The following MYO16 variants were observed in gnomAD, a reference collection of about 807,000 sequenced individuals.
MYO16 encodes the protein myosin XVI.
A neutral mutation model predicts 205.3 loss-of-function variants in MYO16; 94 were observed. The observed-to-expected ratio is 0.46, with a 90% confidence interval of 0.39 to 0.54. The LOEUF (loss-of-function observed/expected upper bound fraction) is 0.54. Among genes scored for constraint, MYO16 ranks in the 20% least tolerant of loss-of-function variants. The pLI, the probability that MYO16 is intolerant of heterozygous loss-of-function variation, is 0.00. For synonymous variants in MYO16, 988 were observed against 954.0 expected, an observed-to-expected ratio of 1.04 and a Z score of -0.66; for missense variants, 2,315 against 2,387.5, an observed-to-expected ratio of 0.97 and a Z score of 0.63.
the MYO16 span, among the ~76,000 whole-genome samples, chr13:108,547,253 C>A: frequency 7.2e-6 from 1 of 138,490 alleles, no homozygotes; most frequent in Non-Finnish European, 1.5e-5. Flanking sequence ...GCCTGGCCAA[C>A]AGAGCAAGAC....
chr13:109,126,142 G>A lies in MYO16; in HGVS notation c.3782+784G>A, dbSNP rs560902870. Among the ~76,000 whole-genome samples the A allele has an allele frequency of 5.8e-4, 88 of 152,134 alleles. 1 individual carries two copies. The highest frequency in any genetic ancestry group is 1.1e-3 in the Non-Finnish European group (74 of 68,010). On this transcript the variant is annotated intron_variant, in intron 30 of 34. Coordinates refer to ENST00000457511, the MANE Select transcript of MYO16 (RefSeq NM_001198950.3). ...ATGACTCTCCTTTCCCATTTCTGCC[G>A]ATGTCAATTTTTTTTTATTAAAGTG...
At chr13:108,746,812 A>C (rs904158279) in intron 4 of MYO16, among the ~76,000 whole-genome samples, 10 of 151,924 alleles carry the variant, frequency 6.6e-5, no homozygotes, top group African/African-American at 2.4e-4. Context: ...ATAAACATAA[A>C]AAACAAACGA....
intron 1 of MYO16, among the ~76,000 whole-genome samples, chr13:108,605,878 G>C (rs9587628): frequency 0.2 from 30,787 of 152,086 alleles, 3,185 homozygotes; most frequent in Middle Eastern, 0.23. Context: ...GAAAAATACT[G>C]GAAGATGTGG....
chr13:108,700,319 C>T (rs1926508), intron 2 of MYO16, among the ~76,000 whole-genome samples: 103,815 of 140,862 alleles, frequency 0.74, 37,626 homozygotes, highest in East Asian at 0.87. Flanking sequence ...GCAACAACAG[C>T]GAAACTCTGT....
intron 33 of MYO16, among the ~76,000 whole-genome samples, chr13:109,177,293 ACTGAATTGACTTTCTC>A (rs1879245989): frequency 6.6e-6 from 1 of 152,030 alleles, no homozygotes; most frequent in Non-Finnish European, 1.5e-5. Flanking sequence ...TGCCATTCTC[ACTGAATTGACTTTCTC>A]AAGGGTGGGG....
intron 9 of MYO16, among the ~76,000 whole-genome samples, chr13:108,842,941 A>G (rs1376379357): frequency 1.3e-5 from 2 of 152,196 alleles, no homozygotes; most frequent in African/African-American, 2.4e-5. Context: ...AAGAAATTCT[A>G]TCATTTGCAG....
chr13:108,637,628 AC>A (rs560343961), intron 1 of MYO16, among the ~76,000 whole-genome samples: 19 of 152,174 alleles, frequency 1.2e-4, no homozygotes, highest in Non-Finnish European at 2.4e-4. Flanking sequence ...TAATCCCAGC[AC>A]TTTGGGAGGC....
the MYO16 span, among the ~76,000 whole-genome samples, chr13:108,558,103 A>T: frequency 2.0e-5 from 3 of 152,232 alleles, no homozygotes; most frequent in Admixed American, 2.0e-4. Flanking sequence ...TAAAATGAAA[A>T]ACAAAATTAA....
chr13:108,767,440 G>A (rs9587680), intron 4 of MYO16, among the ~76,000 whole-genome samples: 10,402 of 152,094 alleles, frequency 0.068, 616 homozygotes, highest in East Asian at 0.24. Context: ...TTTATAAAGG[G>A]CTCTTTTATA....
At chr13:108,841,888 A>T (rs1045580964) in intron 9 of MYO16, among the ~76,000 whole-genome samples, 3 of 152,294 alleles carry the variant, frequency 2.0e-5, no homozygotes, top group African/African-American at 7.2e-5. Context: ...CACATAGACC[A>T]TTGGAACAGA....
intron 29 of MYO16, among the ~76,000 whole-genome samples, chr13:109,121,487 C>T (rs1228330639): frequency 6.6e-6 from 1 of 152,258 alleles, no homozygotes; most frequent in Admixed American, 6.5e-5. Flanking sequence ...CAACATCCTC[C>T]TTTGGCCGGT....
intron 19 of MYO16, among the ~76,000 whole-genome samples, 191 bp from the exon 20 acceptor site, chr13:108,964,570 A>G (rs1374293736): frequency 1.3e-5 from 2 of 152,222 alleles, no homozygotes; most frequent in East Asian, 3.9e-4. Flanking sequence ...ATTGCAATGT[A>G]CATGACTTCT....
At chr13:109,088,453 G>A (rs563428569) in intron 27 of MYO16, among the ~76,000 whole-genome samples, 2 of 152,276 alleles carry the variant, frequency 1.3e-5, no homozygotes, top group South Asian at 4.1e-4. Flanking sequence ...GAACTCGAGA[G>A]TATTGTCATG....
At chr13:108,536,160 T>C in the MYO16 span, among the ~76,000 whole-genome samples, 1 of 152,164 alleles carries the variant, frequency 6.6e-6, no homozygotes, top group African/African-American at 2.4e-5. Context: ...AGAGTATTTA[T>C]TAATTCCCTA....
chr13:108,746,175 G>A (rs1047215248), intron 4 of MYO16, among the ~76,000 whole-genome samples: 3 of 151,876 alleles, frequency 2.0e-5, no homozygotes, highest in Non-Finnish European at 4.4e-5. Flanking sequence ...CCTGGGCTAC[G>A]GAGCGAGACT....
At chr13:108,739,534 G>A (rs183718690) in intron 4 of MYO16, among the ~76,000 whole-genome samples, 1 of 152,280 alleles carries the variant, frequency 6.6e-6, no homozygotes, top group African/African-American at 2.4e-5. Flanking sequence ...TTCCCTTTGT[G>A]AGTAACCCGA....
At chr13:109,167,545 T>A (rs567888561) in intron 33 of MYO16, among the ~76,000 whole-genome samples, 112 of 152,270 alleles carry the variant, frequency 7.4e-4, no homozygotes, top group African/African-American at 2.4e-3. Context: ...GGAGTGCTCA[T>A]GTCTGCAGAT....
At chr13:108,902,205 A>T (rs578064987) in intron 15 of MYO16, among the ~76,000 whole-genome samples, 1 of 152,330 alleles carries the variant, frequency 6.6e-6, no homozygotes, top group East Asian at 1.9e-4. Flanking sequence ...GCCATGGAAC[A>T]TCCTCACGTC....
At chr13:108,747,068 A>G (rs1040935627) in intron 4 of MYO16, among the ~76,000 whole-genome samples, 6 of 152,316 alleles carry the variant, frequency 3.9e-5, no homozygotes, top group African/African-American at 1.4e-4. Context: ...TTATCCTTCA[A>G]TTATCCTGTG....
Sources: gnomAD v4.1 joint callset for allele counts (sites outside exome capture counted in the v4.1 genomes callset) on GRCh38, gnomAD v4.1.1 for gene constraint, MANE v1.5 for transcripts, NCBI Gene and HGNC (gene_info 2026-07-23, HGNC 2026-07-21) for gene names.